Variants in SYNE2 observed in about 807,000 individuals in gnomAD.
The protein encoded by SYNE2 is nesprin-2.
In SYNE2, 431 loss-of-function variants were observed where a neutral mutation model predicts 856.3. The ratio of observed to expected loss-of-function variants is 0.50; its 90% CI spans 0.47 to 0.55. The LOEUF (loss-of-function observed/expected upper bound fraction) is 0.55. Ranked by LOEUF, SYNE2 falls within the 20% of genes least tolerant of loss-of-function variation. The pLI is 0.00. For synonymous variants in SYNE2, 2,923 were observed against 2,872.3 expected (o/e 1.02, Z -0.56); for missense variants, 8,129 against 8,023.2 (o/e 1.01, Z -0.50).
intron 45 of SYNE2, among the ~76,000 whole-genome samples, chr14:64,047,122 T>C (rs953542665): frequency 5.9e-5 from 9 of 152,142 alleles, no homozygotes; most frequent in South Asian, 4.2e-4. Flanking sequence ...ATATGGATGA[T>C]TGAAAGATGG....
intron 45 of SYNE2, 116 bp from the exon 46 acceptor site, chr14:64,047,884 T>G: frequency 1.7e-6 from 2 of 1,155,238 alleles, no homozygotes; most frequent in Non-Finnish European, 2.5e-6. Flanking sequence ...CAAATATACT[T>G]TTTAAGTCTA....
chr14:63,918,032 C>T (rs2095552401), intron 2 of SYNE2, among the ~76,000 whole-genome samples: 1 of 152,076 alleles, frequency 6.6e-6, no homozygotes, highest in Non-Finnish European at 1.5e-5. Flanking sequence ...TAACAAAGAT[C>T]TCATTCATTC....
chr14:63,959,675 C>T (rs543751747), intron 8 of SYNE2, among the ~76,000 whole-genome samples: 2 of 152,166 alleles, frequency 1.3e-5, no homozygotes, highest in East Asian at 1.9e-4. Context: ...TAACTTTTTA[C>T]CCCTATCTTT....
chr14:64,144,885 G>A (rs1371551956), intron 83 of SYNE2, among the ~76,000 whole-genome samples: 1 of 149,526 alleles, frequency 6.7e-6, no homozygotes, highest in African/African-American at 2.5e-5. Context: ...ATAGTTCATC[G>A]AATTATACTG....
chr14:63,972,759 C>T (rs1457422076), intron 11 of SYNE2, among the ~76,000 whole-genome samples: 2 of 151,986 alleles, frequency 1.3e-5, no homozygotes, highest in Non-Finnish European at 2.9e-5. Flanking sequence ...TGAGTGTAGC[C>T]CTCAGTCGGA....
intron 2 of SYNE2, among the ~76,000 whole-genome samples, chr14:63,912,173 T>C (rs570239586): frequency 6.6e-6 from 1 of 152,248 alleles, no homozygotes; most frequent in Non-Finnish European, 1.5e-5. Flanking sequence ...GCGAAATGAA[T>C]AGATTTCCCA....
intron 1 of SYNE2, among the ~76,000 whole-genome samples, chr14:63,893,282 GGTGCGGTGGC>G (rs1444309948): frequency 6.6e-6 from 1 of 152,216 alleles, no homozygotes; most frequent in Non-Finnish European, 1.5e-5. Context: ...TCCTTGGCCA[GGTGCGGTGGC>G]TCGCACTTTT....
At chr14:64,155,662 C>G (rs957651430) in intron 85 of SYNE2, among the ~76,000 whole-genome samples, 2 of 151,770 alleles carry the variant, frequency 1.3e-5, no homozygotes, top group African/African-American at 4.8e-5. Flanking sequence ...CCCAGTGGCT[C>G]AAACCTGTAA....
intron 45 of SYNE2, among the ~76,000 whole-genome samples, chr14:64,037,445 G>T (rs1420915071): frequency 6.6e-6 from 1 of 151,938 alleles, no homozygotes; most frequent in Non-Finnish European, 1.5e-5. Context: ...CACAGGGTTG[G>T]GGGTAAGGTC....
rs1223866248 is a variant in SYNE2 at position 64,024,568 on chromosome 14, A to G, written c.5840+109A>G. 6.5e-6 allele frequency: 7 copies of G among 1,069,398 alleles called. No homozygotes were observed. The Admixed American group carries it at 1.5e-4, about 22-fold the overall frequency. 66.2% of individuals were successfully genotyped at this position (1,069,398 alleles called of 1,614,324 possible). On this transcript the variant is annotated intron_variant, in intron 39 of 115. Transcript: ENST00000555002. ...GATACGCAGTACACACAAATTTCAC[A>G]CACAAAAGGCGTACTTTTCAATCCA... is the stretch of plus-strand genomic sequence containing the variant.
rs550051892 is a variant in SYNE2, at chr14:64,209,373, C to A, written c.18390-55C>A. 305 of 1,613,930 alleles carry A rather than the reference C, an allele frequency of 1.9e-4. 2 individuals are homozygous for A. In the East Asian group the frequency reaches 6.4e-3, roughly 34 times the overall value. ...CGGGTGTCAGGGGATAAAAGAAGTG[C>A]AAAAGCACAGGCTTGGAGGGGATGG... On this transcript the variant is annotated intron_variant, in intron 101 of 115. Transcript: ENST00000555002.
At chr14:64,013,323 A>ATTTTTTTT (rs57074861) in intron 32 of SYNE2, among the ~76,000 whole-genome samples, 2 of 136,276 alleles carry the variant, frequency 1.5e-5, no homozygotes, top group African/African-American at 2.6e-5. Context: ...TCCTCATTAA[A>ATTTTTTTT]TTTTTTTTTT....
At chr14:63,960,912 T>C in intron 8 of SYNE2, 1 of 570,254 alleles carries the variant, frequency 1.8e-6, no homozygotes, top group South Asian at 2.3e-5. Flanking sequence ...TAAGATTTTG[T>C]AGTCTTTAAA....
chr14:64,053,544 G>T lies in SYNE2; in HGVS notation c.9631G>T (p.Ala3211Ser), dbSNP rs199853298. The T allele has an allele frequency of 2.0e-5, 33 of 1,614,112 alleles. No individual in the cohort carries two copies. The highest frequency in any genetic ancestry group is 2.5e-5 in the Non-Finnish European group (29 of 1,180,050). Reference sequence around the variant, plus strand: ...AATGTGTAGTATTAAAGCTGTGACTGCTATTGAGAAACAAAGAGAAGAAAA... The same window carrying T: ...AATGTGTAGTATTAAAGCTGTGACTTCTATTGAGAAACAAAGAGAAGAAAA... Reference protein sequence around the residue: ...AEMCSIKAVTAIEKQREENSS... With the variant: ...AEMCSIKAVTSIEKQREENSS... Residue 3211 changes from alanine to serine, a missense_variant, in exon 48 of 116, where the codon GCT becomes TCT. Physicochemically the swap from Ala to Ser is moderately conservative, Grantham distance 99. This residue lies in a region of SYNE2 where 5,410 missense variants were observed against 5,284.8 expected (regional missense o/e 1.02). Transcript: ENST00000555002.
At chr14:64,198,645 C>G (rs530754978) in intron 99 of SYNE2, among the ~76,000 whole-genome samples, 3 of 152,180 alleles carry the variant, frequency 2.0e-5, no homozygotes, top group East Asian at 1.9e-4. Context: ...CCTTCCCCCC[C>G]TCTTTAACTT....
chr14:64,101,637 C>T (rs1391900897), intron 63 of SYNE2, among the ~76,000 whole-genome samples: 5 of 152,064 alleles, frequency 3.3e-5, no homozygotes, highest in Non-Finnish European at 7.4e-5. Context: ...TTACATTTAC[C>T]AAAGCAGATT....
At chr14:63,871,186 C>A (rs1208993922) in intron 1 of SYNE2, among the ~76,000 whole-genome samples, 1 of 151,224 alleles carries the variant, frequency 6.6e-6, no homozygotes, top group East Asian at 1.9e-4. Context: ...CAGAAAGGAA[C>A]TAATTTTGGG....
In SYNE2 at chr14:64,163,385, C is replaced by G; in HGVS notation, c.16300-17C>G. On this transcript the variant is annotated splice_polypyrimidine_tract_variant and intron_variant, in intron 88 of 115. Transcript: ENST00000555002. ...GAAAGGAGGAAGAGGTGTTTGCCAT[C>G]CCTTTTTCTTCTGCAGGAGCTGCAG... is the stretch of plus-strand genomic sequence containing the variant. 2 of 1,613,402 alleles carry G rather than the reference C, an allele frequency of 1.2e-6. No individual in the cohort carries two copies. Among genetic ancestry groups the G allele is most frequent in the Non-Finnish European group, 1.7e-6 (2 of 1,179,962 alleles).
intron 6 of SYNE2, among the ~76,000 whole-genome samples, chr14:63,944,292 ATATATATATATAT>A (rs1292457680): frequency 5.7e-5 from 1 of 17,420 alleles, no homozygotes; most frequent in Non-Finnish European, 1.6e-4. Flanking sequence ...ATATATATAT[ATATATATATATAT>A]ATAAATAAAT....
Sources: gnomAD v4.1 joint callset for allele counts (sites outside exome capture counted in the v4.1 genomes callset) on GRCh38, gnomAD v4.1.1 for gene constraint, gnomAD v4.1.1 regional missense constraint, MANE v1.5 for transcripts, NCBI Gene and HGNC (gene_info 2026-07-23, HGNC 2026-07-21) for gene names.